The following ARHGEF10 variants were observed in gnomAD, a reference collection of about 807,000 sequenced individuals.
ARHGEF10 encodes Rho guanine nucleotide exchange factor (GEF) 10.
ARHGEF10 carries 140 observed loss-of-function variants against 147.4 expected under a neutral mutation model. The ratio of observed to expected loss-of-function variants is 0.95; its 90% CI spans 0.83 to 1.09. ARHGEF10 has a LOEUF of 1.09. Ranked by LOEUF, ARHGEF10 falls within the 50% of genes least tolerant of loss-of-function variation. ARHGEF10 has a pLI of 0.00. For synonymous variants in ARHGEF10, 902 were observed against 695.8 expected (o/e 1.30, Z -4.67); for missense variants, 2,222 against 1,752.7 (o/e 1.27, Z -4.78).
chr8:1,873,494 CACCCGCA>C (rs1269648982), intron 7 of ARHGEF10, among the ~76,000 whole-genome samples: 2 of 143,884 alleles, frequency 1.4e-5, no homozygotes, highest in Admixed American at 1.4e-4. Context: ...CGGGGTAGTG[CACCCGCA>C]TTTCCTCGTT....
chr8:1,924,689 G>A (rs754256694), intron 21 of ARHGEF10, among the ~76,000 whole-genome samples: 1 of 152,178 alleles, frequency 6.6e-6, no homozygotes, highest in African/African-American at 2.4e-5. Context: ...GAATAATTTG[G>A]TCATTTTTCA....
chr8:1,909,352 T>TC lies in ARHGEF10; in HGVS notation c.2027dup (p.Leu677ThrfsTer35). Reference sequence around the variant, plus strand: ...AGAGGTACTTGCTGAAGTGGAGCGTTCCACTGGGACATGTGGACGCCATCG... The same window carrying TC: ...AGAGGTACTTGCTGAAGTGGAGCGTTCCCACTGGGACATGTGGACGCCATCG... On this transcript the variant is annotated frameshift_variant, in exon 18 of 29. Transcript: ENST00000349830. LOFTEE classifies it high-confidence loss of function. 1.9e-6 allele frequency: 3 copies of TC among 1,614,198 alleles called. No individual in the cohort carries two copies. The highest frequency in any genetic ancestry group is 2.5e-6 in the Non-Finnish European group (3 of 1,180,046).
At chr8:1,924,562 C>T (rs73671055) in intron 21 of ARHGEF10, among the ~76,000 whole-genome samples, 34 of 152,308 alleles carry the variant, frequency 2.2e-4, no homozygotes, top group African/African-American at 8.2e-4. Context: ...GCGTGGGTAA[C>T]GCCATTGCCC....
At chr8:1,929,567 C>A in intron 25 of ARHGEF10, 124 bp downstream of exon 25, 1 of 1,195,282 alleles carries the variant, frequency 8.4e-7, no homozygotes, top group Non-Finnish European at 1.1e-6. Context: ...TCCGCCCCTG[C>A]GCTCGTCACC....
intron 4 of ARHGEF10, among the ~76,000 whole-genome samples, chr8:1,862,667 C>T (rs573305791): frequency 2.0e-5 from 3 of 152,354 alleles, no homozygotes; most frequent in Admixed American, 6.5e-5. Flanking sequence ...CATTTCTCAC[C>T]GTGCAGCGAG....
intron 11 of ARHGEF10, among the ~76,000 whole-genome samples, chr8:1,892,106 G>C (rs1280773964): frequency 1.7e-4 from 26 of 151,674 alleles, no homozygotes; most frequent in Admixed American, 1.7e-3. Context: ...GGAGCCTTGG[G>C]AGAGTGTTTG....
chr8:1,934,057 G>A (rs949685342), intron 26 of ARHGEF10, 115 bp downstream of exon 26: 11 of 1,383,202 alleles, frequency 8.0e-6, no homozygotes, highest in Middle Eastern at 2.2e-4. Context: ...CCTTCTAGCC[G>A]GGCACAGTGG....
chr8:1,909,594 A>G, intron 18 of ARHGEF10, 124 bp downstream of exon 18: 2 of 1,308,118 alleles, frequency 1.5e-6, no homozygotes, highest in Non-Finnish European at 2.1e-6. Context: ...GCAAGTCTGC[A>G]GAGGTGATCC....
chr8:1,860,651 G>A (rs986485525), intron 4 of ARHGEF10, among the ~76,000 whole-genome samples: 3 of 152,326 alleles, frequency 2.0e-5, no homozygotes, highest in African/African-American at 7.2e-5. Context: ...TTGAAACAAC[G>A]TCTGGTGCCG....
intron 9 of ARHGEF10, among the ~76,000 whole-genome samples, chr8:1,882,378 G>A (rs553043396): frequency 5.3e-5 from 8 of 152,320 alleles, no homozygotes; most frequent in African/African-American, 1.4e-4. Flanking sequence ...AGCTCTTTGT[G>A]TGAGTGGATC....
Position 1,945,547 on chromosome 8 carries a change from A to G in ARHGEF10, c.3289A>G (p.Ile1097Val), listed in dbSNP as rs200992404. The change falls in exon 27 of 29, where the codon ATC (isoleucine) becomes GTC (valine). Residue 1097 changes from isoleucine (I) to valine (V), a missense_variant. By Grantham distance (29) the Ile-to-Val change is conservative. Transcript: ENST00000349830. ...CCACATGGCCGTGTCCGGCGTCGGG[A>G]TCTGGATTGCCTTCACCTCAGGGTC... ...ISHMAVSGVG[I>V]WIAFTSGSTL... is the part of the protein sequence containing the mutation. 5.0e-6 allele frequency: 8 copies of G among 1,614,190 alleles called. No individual in the cohort carries two copies. The highest frequency in any genetic ancestry group is 3.3e-5 in the Admixed American group (2 of 60,034).
chr8:1,875,969 A>C (rs1807662825), intron 7 of ARHGEF10: 1 of 154,608 alleles, frequency 6.5e-6, no homozygotes, highest in Non-Finnish European at 1.4e-5. Context: ...GACTGATAAA[A>C]GAGTTAGAGA....
chr8:1,957,097 C>T lies in ARHGEF10; in HGVS notation c.3869C>T (p.Ser1290Leu), dbSNP rs150226594. The T allele has an allele frequency of 3.7e-4, 599 of 1,613,346 alleles. 2 individuals are homozygous for T. The highest frequency in any genetic ancestry group is 4.5e-4 in the Non-Finnish European group (526 of 1,180,030). The change falls in exon 29 of 29, where the codon TCG becomes TTG. Residue 1290 changes from serine to leucine, a missense_variant. Coordinates refer to ENST00000349830, the MANE Select transcript of ARHGEF10 (RefSeq NM_014629.4). The stretch of plus-strand genomic sequence containing the variant: ...TATGATCTCCTGAAGGATCCTGTCT[C>T]GCTGAGAAGCAAAGCACGCCGGGCC... ...TIYDLLKDPV[S>L]LRSKARRAKK...
At chr8:1,941,421 C>T (rs1814080802) in intron 26 of ARHGEF10, among the ~76,000 whole-genome samples, 1 of 152,134 alleles carries the variant, frequency 6.6e-6, no homozygotes, top group African/African-American at 2.4e-5. Context: ...GATTTATACT[C>T]TAAAAACTAC....
chr8:1,918,460 C>CTGTGTGTGTGTGTGTGTGTGTGTG lies in ARHGEF10; in HGVS notation c.2144-4482_2144-4459dup, dbSNP rs60519090. 2.8e-5 allele frequency among the ~76,000 whole-genome samples: 4 copies of CTGTGTGTGTGTGTGTGTGTGTGTG among 140,946 alleles called. 1 individual carries two copies. Among genetic ancestry groups the CTGTGTGTGTGTGTGTGTGTGTGTG allele is most frequent in the African/African-American group, 1.1e-4 (4 of 37,478 alleles). 92.5% of individuals were successfully genotyped at this position (140,946 alleles called of 152,430 possible). A position where few individuals can be genotyped will look rare whatever the true frequency, so the allele number is the denominator to read the frequency against. On this transcript the variant is annotated intron_variant, in intron 18 of 28. Transcript: ENST00000349830. ...CCCATGATAGGTTCACATTTGATGG[C>CTGTGTGTGTGTGTGTGTGTGTGTG]TGTGTGTGTGTGTGTGTGTGTGTGT...
intron 2 of ARHGEF10, among the ~76,000 whole-genome samples, chr8:1,844,429 G>T (rs1393102097): frequency 1.2e-4 from 19 of 152,020 alleles, no homozygotes; most frequent in Non-Finnish European, 2.5e-4. Context: ...GGGTCACCGG[G>T]GCCTGCTGGA....
chr8:1,840,425 G>A (rs28690496), intron 1 of ARHGEF10, among the ~76,000 whole-genome samples: 1 of 98,012 alleles, frequency 1.0e-5, no homozygotes, highest in African/African-American at 4.0e-5. Context: ...TGGTGTGGAA[G>A]CTGTCCGGTG....
At chr8:1,852,950 G>T (rs1805257177) in intron 2 of ARHGEF10, among the ~76,000 whole-genome samples, 1 of 152,226 alleles carries the variant, frequency 6.6e-6, no homozygotes, top group South Asian at 2.1e-4. Context: ...AGAGCCTGCA[G>T]TTTTCCTGGG....
Position 1,866,685 on chromosome 8 carries a change from A to C in ARHGEF10, c.622+83A>C, listed in dbSNP as rs914760580. The C allele has an allele frequency of 3.3e-6, 4 of 1,213,110 alleles. No homozygotes were observed. In the East Asian group the frequency reaches 9.3e-5, roughly 28 times the overall value. The allele number at this position is 1,213,110 out of a possible 1,614,324, so 75.1% of individuals were successfully genotyped here. A position where few individuals can be genotyped will look rare whatever the true frequency, so the allele number is the denominator to read the frequency against. On this transcript the variant is annotated intron_variant, in intron 6 of 28. Coordinates refer to ENST00000349830, the MANE Select transcript of ARHGEF10 (RefSeq NM_014629.4). ...CGGCGGGGCCGGGTCCCTGAGTCTC[A>C]GGTCCCATCAGATCTAAAACTCTAA...
Sources: allele counts gnomAD v4.1 joint callset (sites outside exome capture counted in the v4.1 genomes callset), GRCh38; gene constraint gnomAD v4.1.1; transcripts MANE v1.5; gene names NCBI Gene and HGNC (gene_info 2026-07-23, HGNC 2026-07-21).